Variants in SEMA3D observed in about 807,000 individuals in gnomAD.
SEMA3D encodes semaphorin-3D.
Under a neutral mutation model 100.1 loss-of-function variants are expected in SEMA3D, and 84 were observed. That is an observed-to-expected ratio of 0.84 (90% CI 0.70 to 1.01). The LOEUF is 1.01. SEMA3D is among the 50% of genes least tolerant of loss of function. The pLI, the probability that SEMA3D is intolerant of heterozygous loss-of-function variation, is 0.00. For missense variants in SEMA3D, 875 were observed against 934.1 expected, an observed-to-expected ratio of 0.94 and a Z score of 0.82; for synonymous variants, 312 against 320.7, an observed-to-expected ratio of 0.97 and a Z score of 0.29.
intron 2 of SEMA3D, chr7:85,140,568 G>T: frequency 3.1e-6 from 3 of 970,390 alleles, no homozygotes; most frequent in Non-Finnish European, 3.7e-6. Context: ...TTTTATAGCA[G>T]AGTTTTATCT....
intron 1 of SEMA3D, among the ~76,000 whole-genome samples, chr7:85,185,275 C>T (rs1271865154): frequency 6.6e-6 from 1 of 152,016 alleles, no homozygotes; most frequent in Non-Finnish European, 1.5e-5. Flanking sequence ...ATGTCTCAGA[C>T]CTCTCCTCTA....
chr7:85,153,301 C>T (rs187234970), intron 2 of SEMA3D, among the ~76,000 whole-genome samples: 46 of 152,214 alleles, frequency 3.0e-4, no homozygotes, highest in Admixed American at 5.9e-4. Flanking sequence ...AATTACTTTA[C>T]GCTATTTTTG....
At chr7:85,217,746 G>A in the SEMA3D span, among the ~76,000 whole-genome samples, 1 of 152,004 alleles carries the variant, frequency 6.6e-6, no homozygotes, top group Non-Finnish European at 1.5e-5. Context: ...ACTCTACCAA[G>A]TAATTTGTTT....
intron 2 of SEMA3D, among the ~76,000 whole-genome samples, chr7:85,138,650 A>AT (rs1789938228): frequency 3.3e-5 from 3 of 91,664 alleles, no homozygotes; most frequent in East Asian, 3.4e-4. Flanking sequence ...ATATATATTT[A>AT]ATTTAATATA....
the SEMA3D span, among the ~76,000 whole-genome samples, chr7:85,212,577 CTG>C: frequency 2.0e-5 from 3 of 151,488 alleles, no homozygotes; most frequent in Non-Finnish European, 4.4e-5. Context: ...GTGCATGCAC[CTG>C]TGTGTGTGTT....
At chr7:85,138,844 A>G (rs960373555) in intron 2 of SEMA3D, among the ~76,000 whole-genome samples, 4 of 150,572 alleles carry the variant, frequency 2.7e-5, no homozygotes, top group African/African-American at 9.8e-5. Context: ...CCGATGTGTG[A>G]TATTCCCCCC....
intron 2 of SEMA3D, among the ~76,000 whole-genome samples, chr7:85,135,053 T>C (rs1789818157): frequency 6.6e-6 from 1 of 151,816 alleles, no homozygotes; most frequent in Admixed American, 6.6e-5. Context: ...CCCCTGTGTG[T>C]AGAGAAGGGC....
In SEMA3D at chr7:85,029,151, A is replaced by G. The variant is rs181850430; in HGVS notation, c.1192-6538T>C. 127 of 641,288 alleles carry G rather than the reference A, an allele frequency of 2.0e-4. No individual in the cohort carries two copies. The African/African-American group carries it at 2.1e-3, about 11-fold the overall frequency. 39.7% of individuals were successfully genotyped at this position (641,288 alleles called of 1,614,324 possible). A position where few individuals can be genotyped will look rare whatever the true frequency, so the allele number is the denominator to read the frequency against. Reference sequence around the variant, plus strand: ...AGCCTAGCATGTCATTGCCAAGGATAAAAACCTACTTCGCAAGTTTGAGCT... The same window carrying G: ...AGCCTAGCATGTCATTGCCAAGGATGAAAACCTACTTCGCAAGTTTGAGCT... On this transcript the variant is annotated intron_variant, in intron 12 of 18. Transcript: ENST00000284136.
At chr7:85,111,134 T>C (rs982337878) in intron 3 of SEMA3D, among the ~76,000 whole-genome samples, 2 of 152,064 alleles carry the variant, frequency 1.3e-5, no homozygotes, top group Non-Finnish European at 2.9e-5. Flanking sequence ...TCTTCCTTTC[T>C]CTGATCTCCT....
intron 16 of SEMA3D, among the ~76,000 whole-genome samples, chr7:85,014,683 A>T (rs1241331917): frequency 6.6e-6 from 1 of 151,782 alleles, no homozygotes; most frequent in Non-Finnish European, 1.5e-5. Context: ...TTTATATATT[A>T]TTTGCAAAAC....
chr7:84,999,809 C>A lies in SEMA3D; in HGVS notation c.1965G>T (p.Leu655Phe), dbSNP rs757830920. The A allele has an allele frequency of 1.8e-5, 29 of 1,613,890 alleles. 1 individual carries two copies. Among genetic ancestry groups the A allele is most frequent in the Non-Finnish European group, 1.9e-5 (23 of 1,180,014 alleles). Residue 655 changes from leucine to phenylalanine, a missense_variant, in exon 19 of 19, where the codon TTG becomes TTT. Physicochemically the swap from Leu to Phe is conservative, Grantham distance 22. Coordinates refer to ENST00000284136, the MANE Select transcript of SEMA3D (RefSeq NM_001384900.1). ...AATACATCCCAGAATCCTTCTTCTG[C>A]AAACTTCGAATCAGTAGCCCATATT... ...KTEYGLLIRS[L>F]QKKDSGMYYC...
At chr7:85,202,312 G>T in the SEMA3D span, among the ~76,000 whole-genome samples, 1 of 149,174 alleles carries the variant, frequency 6.7e-6, no homozygotes, top group African/African-American at 2.5e-5. Flanking sequence ...TGAGGTGTTT[G>T]GTTTTTTGTT....
In SEMA3D at chr7:85,173,471, C is replaced by A. The variant is rs554439087; in HGVS notation, c.-173+13207G>T. On this transcript the variant is annotated intron_variant, in intron 1 of 18. Transcript: ENST00000284136. ...CTTTAAACACACTTCCGTGCCAAAA[C>A]AGATGGGATACTCAATTCTAAAACA... Among the ~76,000 whole-genome samples the A allele has an allele frequency of 2.0e-5, 3 of 152,184 alleles. No individual in the cohort carries two copies. In the East Asian group the frequency reaches 5.8e-4, roughly 29 times the overall value.
At chr7:85,055,643 T>C (rs1225397980) in intron 9 of SEMA3D, 74 bp downstream of exon 9, 1 of 180,348 alleles carries the variant, frequency 5.5e-6, no homozygotes, top group Non-Finnish European at 8.2e-6. Context: ...TTTTTTCATA[T>C]ACATATATAT....
At chr7:85,226,678 G>A in the SEMA3D span, among the ~76,000 whole-genome samples, 1 of 151,418 alleles carries the variant, frequency 6.6e-6, no homozygotes. Context: ...AAAGTAAGAT[G>A]AGGATTTTTT....
the SEMA3D span, among the ~76,000 whole-genome samples, chr7:85,246,630 T>A: frequency 6.6e-6 from 1 of 151,950 alleles, no homozygotes; most frequent in Non-Finnish European, 1.5e-5. Flanking sequence ...TGTGTGAAAA[T>A]ACCAAGTTTG....
chr7:85,220,511 C>T, the SEMA3D span, among the ~76,000 whole-genome samples: 2 of 151,746 alleles, frequency 1.3e-5, no homozygotes, highest in African/African-American at 4.8e-5. Context: ...TGATAGTGGT[C>T]TCTGATTAAA....
At chr7:85,248,149 CA>C in the SEMA3D span, among the ~76,000 whole-genome samples, 2 of 151,770 alleles carry the variant, frequency 1.3e-5, no homozygotes, top group East Asian at 1.9e-4. Flanking sequence ...AATCTGATAA[CA>C]AAAAAAGGGG....
rs548550844 is a variant in SEMA3D at position 85,075,991 on chromosome 7, C to A, written c.376-2910G>T. Among the ~76,000 whole-genome samples, 11 of 152,302 alleles carry A rather than the reference C, an allele frequency of 7.2e-5. No homozygotes were observed. In the East Asian group the frequency reaches 1.9e-3, roughly 27 times the overall value. ...TCAATAATTAACTTGATTTAATTCA[C>A]TTAGTGACCTGCAAGGCTATCAGTG... On this transcript the variant is annotated intron_variant, in intron 5 of 18. Coordinates refer to ENST00000284136, the MANE Select transcript of SEMA3D (RefSeq NM_001384900.1).
Sources: gnomAD v4.1 joint callset for allele counts (sites outside exome capture counted in the v4.1 genomes callset) on GRCh38, gnomAD v4.1.1 for gene constraint, MANE v1.5 for transcripts, NCBI Gene and HGNC (gene_info 2026-07-23, HGNC 2026-07-21) for gene names.